The following GALNT11 variants were observed in gnomAD, a reference collection of about 807,000 sequenced individuals.
GALNT11 encodes the protein polypeptide N-acetylgalactosaminyltransferase 11, also known as UDP-GalNAc:polypeptide N-acetylgalactosaminyltransferase 11.
Under a neutral mutation model 72.7 loss-of-function variants are expected in GALNT11, and 47 were observed. The ratio of observed to expected loss-of-function variants is 0.65; its 90% CI spans 0.51 to 0.82. GALNT11 has a LOEUF of 0.82. GALNT11 is among the 40% of genes least tolerant of loss of function. The pLI is 0.00. For synonymous variants in GALNT11, 270 were observed against 286.6 expected, an observed-to-expected ratio of 0.94 and a Z score of 0.58; for missense variants, 677 against 778.4, an observed-to-expected ratio of 0.87 and a Z score of 1.55.
intron 2 of GALNT11, among the ~76,000 whole-genome samples, chr7:152,100,483 T>A (rs556660428): frequency 1.3e-5 from 2 of 152,002 alleles, no homozygotes; most frequent in Non-Finnish European, 2.9e-5. Flanking sequence ...GGAGAATCGC[T>A]TGAACCAGGG....
chr7:152,105,043 T>C (rs2087382345), intron 4 of GALNT11, among the ~76,000 whole-genome samples: 1 of 152,230 alleles, frequency 6.6e-6, no homozygotes. Context: ...TCCTCTTTGC[T>C]AGTATTCCAG....
chr7:152,048,539 T>C (rs2083251695), intron 1 of GALNT11, among the ~76,000 whole-genome samples: 1 of 151,688 alleles, frequency 6.6e-6, no homozygotes, highest in Admixed American at 6.5e-5. Context: ...TCTTTTTCTT[T>C]TTTTTTTTGA....
chr7:152,113,712 C>CTTTTTTTTTTTTTTTTTT (rs6150397), intron 8 of GALNT11, among the ~76,000 whole-genome samples: 12 of 97,024 alleles, frequency 1.2e-4, no homozygotes, highest in Non-Finnish European at 1.6e-4. Context: ...AGTTGGCTTT[C>CTTTTTTTTTTTTTTTTTT]TTTTTTTTTT....
At chr7:152,041,569 T>A (rs1481457619) in intron 1 of GALNT11, among the ~76,000 whole-genome samples, 1 of 152,206 alleles carries the variant, frequency 6.6e-6, no homozygotes, top group Admixed American at 6.5e-5. Flanking sequence ...CACCAGTAGG[T>A]GAATGCTGAG....
At chr7:152,096,693 C>T (rs10252047) in intron 2 of GALNT11, among the ~76,000 whole-genome samples, 16 of 137,716 alleles carry the variant, frequency 1.2e-4, no homozygotes, top group African/African-American at 3.0e-4. Context: ...GTAGCCTGGG[C>T]GACAGAGCAA....
At chr7:152,044,095 A>C (rs2083002621) in intron 1 of GALNT11, among the ~76,000 whole-genome samples, 1 of 152,190 alleles carries the variant, frequency 6.6e-6, no homozygotes, top group Admixed American at 6.5e-5. Flanking sequence ...TGCTAGAGGA[A>C]TTAAAGACAC....
At chr7:152,069,092 C>G (rs961234497) in intron 1 of GALNT11, among the ~76,000 whole-genome samples, 1 of 152,192 alleles carries the variant, frequency 6.6e-6, no homozygotes, top group Non-Finnish European at 1.5e-5. Context: ...ACGTTTTTCT[C>G]TAAACACTGT....
chr7:152,091,247 A>AT (rs1465288049), intron 1 of GALNT11, among the ~76,000 whole-genome samples: 3 of 146,638 alleles, frequency 2.0e-5, no homozygotes, highest in Non-Finnish European at 1.5e-5. Flanking sequence ...TATTATTATT[A>AT]TTTTTGTGTG....
intron 1 of GALNT11, among the ~76,000 whole-genome samples, chr7:152,054,373 T>C (rs1333712780): frequency 6.6e-6 from 1 of 150,842 alleles, no homozygotes; most frequent in Non-Finnish European, 1.5e-5. Context: ...AGTAAAAAGG[T>C]CTACCTCACT....
chr7:152,097,654 GA>G (rs980542645), intron 2 of GALNT11, among the ~76,000 whole-genome samples: 2 of 152,214 alleles, frequency 1.3e-5, no homozygotes, highest in Non-Finnish European at 2.9e-5. Context: ...CCATACCATG[GA>G]ATATTATTCA....
At chr7:152,048,686 C>G (rs956747554) in intron 1 of GALNT11, among the ~76,000 whole-genome samples, 3 of 151,748 alleles carry the variant, frequency 2.0e-5, no homozygotes, top group African/African-American at 7.3e-5. Context: ...CCCACCACCA[C>G]GCCTGGCTAA....
chr7:152,037,370 G>T (rs2082631306), intron 1 of GALNT11, among the ~76,000 whole-genome samples: 1 of 152,188 alleles, frequency 6.6e-6, no homozygotes, highest in African/African-American at 2.4e-5. Context: ...TGAGTTCGCT[G>T]TAGATGTATG....
chr7:152,100,575 A>C (rs1480950708), intron 2 of GALNT11, among the ~76,000 whole-genome samples: 2 of 152,158 alleles, frequency 1.3e-5, no homozygotes, highest in South Asian at 2.1e-4. Flanking sequence ...AAAAAAAAAA[A>C]AAAAATTATG....
Position 152,062,680 on chromosome 7 carries a change from T to G in GALNT11, c.-38-31510T>G, listed in dbSNP as rs571403334. Among the ~76,000 whole-genome samples the G allele has an allele frequency of 2.6e-4, 39 of 152,336 alleles. No individual in the cohort carries two copies. In the South Asian group the frequency reaches 4.6e-3, roughly 18 times the overall value. ...ATTGAGAGTTTTTAGCATGGAGGGC[T>G]GTTGAATTTTGTCAAAGGCCTTTTC... is the stretch of plus-strand genomic sequence containing the variant. On this transcript the variant is annotated intron_variant, in intron 1 of 11. Coordinates refer to ENST00000430044, the MANE Select transcript of GALNT11 (RefSeq NM_022087.4).
intron 1 of GALNT11, among the ~76,000 whole-genome samples, chr7:152,027,350 T>G (rs1483420777): frequency 6.6e-6 from 1 of 152,236 alleles, no homozygotes; most frequent in African/African-American, 2.4e-5. Context: ...CACATCAGGA[T>G]AAGCAGGGTA....
intron 1 of GALNT11, among the ~76,000 whole-genome samples, chr7:152,043,316 T>C (rs1464492835): frequency 6.6e-6 from 1 of 152,168 alleles, no homozygotes; most frequent in Non-Finnish European, 1.5e-5. Context: ...GTTGGGACCT[T>C]TTGCGGGGAT....
At chr7:152,071,412 G>T (rs1442544294) in intron 1 of GALNT11, among the ~76,000 whole-genome samples, 1 of 152,206 alleles carries the variant, frequency 6.6e-6, no homozygotes. Context: ...ATATGGTTCT[G>T]TTCCACCCGG....
chr7:152,113,501 G>A (rs918652794), intron 8 of GALNT11, 103 bp downstream of exon 8: 1 of 1,367,354 alleles, frequency 7.3e-7, no homozygotes. Flanking sequence ...TATTTCTCTT[G>A]GTTAACCTTC....
chr7:152,056,636 A>G (rs184057638), intron 1 of GALNT11, among the ~76,000 whole-genome samples: 26 of 152,312 alleles, frequency 1.7e-4, no homozygotes, highest in African/African-American at 5.8e-4. Context: ...AGCAGAAGTA[A>G]AAAGAAAATA....
Sources: allele counts gnomAD v4.1 joint callset (sites outside exome capture counted in the v4.1 genomes callset), GRCh38; gene constraint gnomAD v4.1.1; transcripts MANE v1.5; gene names NCBI Gene and HGNC (gene_info 2026-07-23, HGNC 2026-07-21).